DPYD: variants seen among roughly 807,000 people sequenced by gnomAD.
DPYD encodes the protein dihydropyrimidine dehydrogenase [NADP(+)].
DPYD carries 109 observed loss-of-function variants against 116.2 expected under a neutral mutation model. The observed-to-expected ratio is 0.94, with a 90% confidence interval of 0.80 to 1.10. The LOEUF is 1.10. Ranked by LOEUF, DPYD falls within the 50% of genes least tolerant of loss-of-function variation. The probability of loss-of-function intolerance (pLI) is 0.00; values close to 1 mark genes in which losing one functional copy is unlikely to be tolerated. For synonymous variants in DPYD, 440 were observed against 432.0 expected (o/e 1.02, Z -0.23); for missense variants, 1,302 against 1,254.5 (o/e 1.04, Z -0.57).
chr1:97,250,850 T>C (rs190422008), intron 18 of DPYD, among the ~76,000 whole-genome samples: 3 of 152,318 alleles, frequency 2.0e-5, no homozygotes, highest in Admixed American at 1.3e-4. Flanking sequence ...TCAGATTGTG[T>C]TACTACAGAT....
chr1:97,449,818 A>T (rs1426154479), intron 14 of DPYD, among the ~76,000 whole-genome samples: 1 of 152,180 alleles, frequency 6.6e-6, no homozygotes, highest in Non-Finnish European at 1.5e-5. Flanking sequence ...CCTTCTGCTT[A>T]TGTAGATACT....
chr1:97,772,217 G>T (rs1007469472), intron 3 of DPYD, among the ~76,000 whole-genome samples: 1 of 152,094 alleles, frequency 6.6e-6, no homozygotes, highest in Non-Finnish European at 1.5e-5. Flanking sequence ...AGCATCCTCT[G>T]TATTCAATAA....
At chr1:97,425,505 A>G (rs1674814409) in intron 14 of DPYD, among the ~76,000 whole-genome samples, 1 of 152,120 alleles carries the variant, frequency 6.6e-6, no homozygotes, top group South Asian at 2.1e-4. Context: ...TGTTATGACT[A>G]TAACTTTTCA....
intron 20 of DPYD, among the ~76,000 whole-genome samples, chr1:97,099,475 T>A (rs1194601298): frequency 6.6e-6 from 1 of 152,106 alleles, no homozygotes; most frequent in African/African-American, 2.4e-5. Flanking sequence ...CCACAATTAT[T>A]TTCTCTTCAC....
chr1:97,481,915 CACAT>C (rs1678337408), intron 13 of DPYD, among the ~76,000 whole-genome samples: 1 of 152,170 alleles, frequency 6.6e-6, no homozygotes, highest in African/African-American at 2.4e-5. Context: ...TTTAGACACA[CACAT>C]ACAAACATTT....
chr1:97,245,584 G>A (rs144445708), intron 18 of DPYD, among the ~76,000 whole-genome samples: 1 of 152,142 alleles, frequency 6.6e-6, no homozygotes, highest in Non-Finnish European at 1.5e-5. Context: ...CATTCTATGT[G>A]TTTTCAAAAA....
chr1:97,846,064 C>A lies in DPYD; in HGVS notation c.151-17868G>T, dbSNP rs144543192. ...GCCCTGGGCAGGTATGGGATCCAGA[C>A]TGGTGGTGCGAGCCGAGAACAGCCT... On this transcript the variant is annotated intron_variant, in intron 2 of 22. Coordinates refer to ENST00000370192, the MANE Select transcript of DPYD (RefSeq NM_000110.4). 1.4e-3 allele frequency among the ~76,000 whole-genome samples: 219 copies of A among 152,324 alleles called. 1 individual carries two copies. Among genetic ancestry groups the A allele is most frequent in the African/African-American group, 5.1e-3 (210 of 41,578 alleles).
At chr1:97,651,289 T>C (rs1658566430) in intron 8 of DPYD, among the ~76,000 whole-genome samples, 2 of 152,130 alleles carry the variant, frequency 1.3e-5, no homozygotes, top group African/African-American at 4.8e-5. Context: ...CAGAACAGCA[T>C]TAAAAATCCC....
chr1:97,579,732 A>T (rs941385124), intron 10 of DPYD, among the ~76,000 whole-genome samples: 2 of 152,202 alleles, frequency 1.3e-5, no homozygotes, highest in African/African-American at 4.8e-5. Context: ...GCATGTCTTT[A>T]TGAGGGACAA....
intron 14 of DPYD, among the ~76,000 whole-genome samples, chr1:97,441,288 A>T (rs1319263025): frequency 1.3e-5 from 2 of 151,400 alleles, no homozygotes; most frequent in Non-Finnish European, 2.9e-5. Flanking sequence ...ATTTCTTGAA[A>T]TTTTTTTCTG....
At chr1:97,716,702 G>A (rs1265153274) in intron 5 of DPYD, among the ~76,000 whole-genome samples, 1 of 151,946 alleles carries the variant, frequency 6.6e-6, no homozygotes, top group Non-Finnish European at 1.5e-5. Context: ...TCAATAAACA[G>A]ATGAGAAAGT....
At chr1:97,912,608 T>G (rs1571574696) in intron 1 of DPYD, among the ~76,000 whole-genome samples, 1 of 151,100 alleles carries the variant, frequency 6.6e-6, no homozygotes, top group Admixed American at 6.6e-5. Flanking sequence ...TTTAGTTTTT[T>G]GTATGTTTTA....
chr1:97,235,190 T>A (rs982622752), intron 18 of DPYD, among the ~76,000 whole-genome samples, 196 bp from the exon 19 acceptor site: 1 of 152,246 alleles, frequency 6.6e-6, no homozygotes, highest in African/African-American at 2.4e-5. Flanking sequence ...TAATGGATGT[T>A]TATTTATTTT....
intron 2 of DPYD, among the ~76,000 whole-genome samples, chr1:97,866,559 A>G (rs1671388370): frequency 1.3e-5 from 2 of 151,910 alleles, no homozygotes; most frequent in Admixed American, 1.3e-4. Context: ...ACAGTTGTGA[A>G]CAAAACTGAC....
intron 14 of DPYD, among the ~76,000 whole-genome samples, chr1:97,409,792 T>C (rs78155123): frequency 0.12 from 18,002 of 152,136 alleles, 1,382 homozygotes; most frequent in South Asian, 0.27. Flanking sequence ...ACTGTCTCAG[T>C]GGCACTCTTT....
chr1:97,503,440 C>T (rs1679709189), intron 13 of DPYD, among the ~76,000 whole-genome samples: 1 of 151,966 alleles, frequency 6.6e-6, no homozygotes, highest in Non-Finnish European at 1.5e-5. Context: ...TTCACTGCAG[C>T]CATGCTTCCT....
At chr1:97,298,714 C>A (rs777065955) in intron 18 of DPYD, among the ~76,000 whole-genome samples, 1 of 152,034 alleles carries the variant, frequency 6.6e-6, no homozygotes, top group Non-Finnish European at 1.5e-5. Flanking sequence ...GGATTTAGGA[C>A]GACGAATGGA....
chr1:97,669,200 T>C (rs1214529696), intron 8 of DPYD, among the ~76,000 whole-genome samples: 1 of 152,164 alleles, frequency 6.6e-6, no homozygotes, highest in Non-Finnish European at 1.5e-5. Context: ...CAAGATTCCT[T>C]ACATATTTTG....
At chr1:97,739,047 C>A (rs1196615024) in intron 4 of DPYD, among the ~76,000 whole-genome samples, 1 of 151,994 alleles carries the variant, frequency 6.6e-6, no homozygotes, top group Non-Finnish European at 1.5e-5. Context: ...TCTCATATTT[C>A]CTCATGCTTG....
Sources: allele counts gnomAD v4.1 joint callset (sites outside exome capture counted in the v4.1 genomes callset), GRCh38; gene constraint gnomAD v4.1.1; transcripts MANE v1.5; gene names NCBI Gene and HGNC (gene_info 2026-07-23, HGNC 2026-07-21).